MAGEB6B: variants seen among roughly 807,000 people sequenced by gnomAD.
MAGEB6B encodes MAGE family member B6B, also known as melanoma-associated antigen B6B.
For missense variants in MAGEB6B, 277 were observed against 251.5 expected (o/e 1.10, Z -0.69); for synonymous variants, 107 against 102.3 (o/e 1.05, Z -0.27).
downstream of MAGEB6B, chrX:26,161,886 C>T: frequency 9.2e-7 from 1 of 1,088,667 alleles, no homozygotes; most frequent in Non-Finnish European, 1.3e-6. Flanking sequence ...TACAGATCCT[C>T]CCATTTCTAG....
At chrX:26,161,828 A>T (rs1411792689), downstream of MAGEB6B, 7 of 1,204,880 alleles carry the variant, frequency 5.8e-6, no homozygotes, top group Non-Finnish European at 6.7e-6. Context: ...AGCTTAAGGC[A>T]GGGCTGGCAC....
At chrX:26,161,424 G>A in exon 1 of MAGEB6B, 1 of 974,831 alleles carries the variant, frequency 1.0e-6, no homozygotes, top group Non-Finnish European at 1.5e-6. Context: ...AATGAAGGAA[G>A]TCTGAGTGGT....
rs767119815 is a variant in MAGEB6B at position 26,160,748 on chromosome X, G to C, written c.148G>C (p.Gly50Arg). Residue 50 changes from glycine (G) to arginine (R), a missense_variant, in exon 1 of 1, where the codon GGT becomes CGT. Transcript: ENST00000416929. ...GTCATCCTCTTCTGCTGTTTGTCAGGGTGCTCGTCGTAGGTCTTCTGGTTC... is the reference window on the plus strand; with the variant it reads ...GTCATCCTCTTCTGCTGTTTGTCAGCGTGCTCGTCGTAGGTCTTCTGGTTC... 1.7e-5 allele frequency: 10 copies of C among 575,881 alleles called. 1 individual carries two copies. Among genetic ancestry groups the C allele is most frequent in the Non-Finnish European group, 2.9e-5 (9 of 315,488 alleles). 47.5% of individuals were successfully genotyped at this position (575,881 alleles called of 1,213,427 possible). A position where few individuals can be genotyped will look rare whatever the true frequency, so the allele number is the denominator to read the frequency against.
exon 1 of MAGEB6B, chrX:26,160,833 C>T (rs774895068): frequency 8.0e-6 from 5 of 625,413 alleles, no homozygotes; most frequent in East Asian, 6.4e-5. Flanking sequence ...GCAGGTGCTT[C>T]ATGCTCAAAA....
rs760117995 is a variant in MAGEB6B, at chrX:26,161,023, T to C, written c.423T>C (p.Asp141=). The change falls in exon 1 of 1, where the codon GAT becomes GAC. Residue 141 remains aspartate (D), a synonymous_variant. Coordinates refer to ENST00000416929, the Ensembl canonical transcript of MAGEB6B. ...AGAAAAGTCCAAGCACCTCCCGTGA[T>C]GCCTCTGTTCCTCAGGAGTCTCAGG... 10 of 934,290 alleles carry C rather than the reference T, an allele frequency of 1.1e-5. No homozygotes were observed. The African/African-American group carries it at 1.9e-4, about 18-fold the overall frequency. The allele number at this position is 934,290 out of a possible 1,213,427, so 77.0% of individuals were successfully genotyped here.
At chrX:26,161,497 C>G (rs1459483330) in exon 1 of MAGEB6B, 1 of 1,200,781 alleles carries the variant, frequency 8.3e-7, no homozygotes, top group Non-Finnish European at 1.1e-6. Context: ...TCATGAGAGG[C>G]AACCGTGCCA....
chrX:26,162,137 C>T (rs1194650468), downstream of MAGEB6B, among the ~76,000 whole-genome samples: 2 of 111,681 alleles, frequency 1.8e-5, no homozygotes, highest in African/African-American at 3.3e-5. Context: ...CATTCATGGC[C>T]GTTTAATCAA....
exon 1 of MAGEB6B, chrX:26,160,996 T>C (rs763015138): frequency 1.3e-6 from 1 of 788,358 alleles, no homozygotes; most frequent in Non-Finnish European, 2.0e-6. Flanking sequence ...AGGGTCAAAA[T>C]GAGAAAAGTC....
rs769535874 is a variant in MAGEB6B at position 26,161,195 on chromosome X, G to T, written c.595G>T (p.Ala199Ser). ...AGACGGAGATCCTATAAAAAGGAAG[G>T]CAAACAAGATGGTGCAATTCCTGCA... Residue 199 changes from alanine to serine, a missense_variant, in exon 1 of 1, where the codon GCA becomes TCA. Physicochemically the swap from Ala to Ser is moderately conservative, Grantham distance 99. Transcript: ENST00000416929. 3 of 756,333 alleles carry T rather than the reference G, an allele frequency of 4.0e-6. No homozygotes were observed. In the East Asian group the frequency reaches 9.5e-5, roughly 24 times the overall value. The allele number at this position is 756,333 out of a possible 1,213,427, so 62.3% of individuals were successfully genotyped here.
chrX:26,161,392 T>A, exon 1 of MAGEB6B: 3 of 791,808 alleles, frequency 3.8e-6, no homozygotes, highest in African/African-American at 2.0e-5. Flanking sequence ...CCTACACCCT[T>A]GTCAGCAAGC....
chrX:26,161,442 C>T (rs775868139), exon 1 of MAGEB6B: 3 of 1,065,097 alleles, frequency 2.8e-6, no homozygotes, highest in African/African-American at 3.7e-5. Flanking sequence ...GGTGATAATG[C>T]GCTGCCGAAG....
At chrX:26,160,931 C>A in exon 1 of MAGEB6B, 1 of 616,015 alleles carries the variant, frequency 1.6e-6, no homozygotes. Flanking sequence ...GGGAGCTTCA[C>A]CCATTGGCCC....
At chrX:26,161,957 T>G, downstream of MAGEB6B, 1 of 575,699 alleles carries the variant, frequency 1.7e-6, no homozygotes, top group Non-Finnish European at 2.9e-6. Flanking sequence ...TTCTAAGTAG[T>G]GCAGTATAGT....
exon 1 of MAGEB6B, chrX:26,161,120 G>A (rs1327260171): frequency 2.0e-6 from 2 of 979,990 alleles, no homozygotes; most frequent in Non-Finnish European, 2.9e-6. Flanking sequence ...CAAGGGTCAA[G>A]ATGAGGAAAG....
rs774636358 is a variant in MAGEB6B, at chrX:26,160,729, C to T, written c.129C>T (p.Ser43=). The change falls in exon 1 of 1, where the codon TCC becomes TCT. Residue 43 remains serine, a synonymous_variant. Coordinates refer to ENST00000416929, the Ensembl canonical transcript of MAGEB6B. ...AAGAAGAGTCTCGCTCTTCGTCATC[C>T]TCTTCTGCTGTTTGTCAGGGTGCTC... is the stretch of plus-strand genomic sequence containing the variant. 8.7e-6 allele frequency: 5 copies of T among 575,240 alleles called. No homozygotes were observed. The South Asian group carries it at 1.1e-4, about 13-fold the overall frequency. 47.4% of individuals were successfully genotyped at this position (575,240 alleles called of 1,213,427 possible). A position where few individuals can be genotyped will look rare whatever the true frequency, so the allele number is the denominator to read the frequency against.
exon 1 of MAGEB6B, chrX:26,161,586 G>A (rs370665628): frequency 1.7e-4 from 206 of 1,209,001 alleles, no homozygotes; most frequent in Non-Finnish European, 2.2e-4. Flanking sequence ...GGGGATGCTC[G>A]GAAGATCATT....
chrX:26,162,156 T>A, downstream of MAGEB6B, among the ~76,000 whole-genome samples: 1 of 112,095 alleles, frequency 8.9e-6, no homozygotes, highest in South Asian at 3.7e-4. Flanking sequence ...AATTTGAAAG[T>A]TACGGTTTGG....
chrX:26,161,900 G>A (rs1292634529), downstream of MAGEB6B: 5 of 1,018,254 alleles, frequency 4.9e-6, no homozygotes, highest in Non-Finnish European at 6.7e-6. Flanking sequence ...TTTCTAGGGA[G>A]GTCTGAAGTA....
At chrX:26,161,332 G>A in exon 1 of MAGEB6B, 1 of 649,183 alleles carries the variant, frequency 1.5e-6, no homozygotes. Context: ...CCGAACATTT[G>A]ACGGTGTTCT....
Sources: allele counts gnomAD v4.1 joint callset (sites outside exome capture counted in the v4.1 genomes callset), GRCh38; gene constraint gnomAD v4.1.1; transcripts MANE v1.5; gene names NCBI Gene and HGNC (gene_info 2026-07-23, HGNC 2026-07-21).